The following CAMK1D variants were observed in gnomAD, a reference collection of about 807,000 sequenced individuals.
CAMK1D encodes the protein calcium/calmodulin dependent protein kinase ID, also known as calcium/calmodulin-dependent protein kinase type 1D.
CAMK1D carries 9 observed loss-of-function variants against 47.7 expected under a neutral mutation model. The observed-to-expected ratio is 0.19, with a 90% CI of 0.11 to 0.33. The LOEUF (loss-of-function observed/expected upper bound fraction) is 0.33, where lower values mean the gene tolerates loss of function less well. Ranked by LOEUF, CAMK1D falls within the 10% of genes least tolerant of loss-of-function variation. The pLI, the probability that CAMK1D is intolerant of heterozygous loss-of-function variation, is 1.00. For synonymous variants in CAMK1D, 184 were observed against 184.9 expected (o/e 0.99, Z 0.04); for missense variants, 291 against 488.7 (o/e 0.60, Z 3.81).
At chr10:12,820,811 C>T (rs1009778555) in intron 8 of CAMK1D, among the ~76,000 whole-genome samples, 1 of 152,216 alleles carries the variant, frequency 6.6e-6, no homozygotes, top group African/African-American at 2.4e-5. Flanking sequence ...CATTGCTGTT[C>T]TCTCTGTGGT....
At chr10:12,684,013 A>C (rs1056535184) in intron 3 of CAMK1D, among the ~76,000 whole-genome samples, 14 of 152,188 alleles carry the variant, frequency 9.2e-5, no homozygotes, top group African/African-American at 3.4e-4. Flanking sequence ...TCGTTAAAAC[A>C]TACAAATTAG....
At chr10:12,573,433 A>C (rs1035139280) in intron 2 of CAMK1D, among the ~76,000 whole-genome samples, 1 of 152,160 alleles carries the variant, frequency 6.6e-6, no homozygotes, top group Non-Finnish European at 1.5e-5. Flanking sequence ...ATTGGCACGA[A>C]AGTCAGCTGT....
At chr10:12,749,381 A>C (rs1356626543) in intron 3 of CAMK1D, among the ~76,000 whole-genome samples, 1 of 149,510 alleles carries the variant, frequency 6.7e-6, no homozygotes, top group Non-Finnish European at 1.5e-5. Context: ...ATTCGGTGTC[A>C]CGTCGTGTGT....
At chr10:12,589,517 G>T (rs1474404275) in intron 2 of CAMK1D, among the ~76,000 whole-genome samples, 2 of 152,150 alleles carry the variant, frequency 1.3e-5, no homozygotes, top group East Asian at 3.8e-4. Flanking sequence ...GAGAGCAAAT[G>T]GAAGCATTTT....
At chr10:12,695,022 CGATA>C (rs563091966) in intron 3 of CAMK1D, among the ~76,000 whole-genome samples, 32,920 of 143,682 alleles carry the variant, frequency 0.23, 4,222 homozygotes, top group South Asian at 0.3. Flanking sequence ...ATAAATCTCT[CGATA>C]GATAGATAGA....
chr10:12,691,398 TA>T (rs56127020), intron 3 of CAMK1D, among the ~76,000 whole-genome samples: 4 of 7,232 alleles, frequency 5.5e-4, no homozygotes, highest in Non-Finnish European at 8.0e-4. Flanking sequence ...TATATATATA[TA>T]TATAAATATA....
chr10:12,365,108 C>T (rs1182798457), intron 1 of CAMK1D, among the ~76,000 whole-genome samples: 1 of 151,918 alleles, frequency 6.6e-6, no homozygotes, highest in Non-Finnish European at 1.5e-5. Context: ...AGGTATACAC[C>T]ACCACGCCAG....
At chr10:12,751,182 A>G (rs1265722924) in intron 3 of CAMK1D, among the ~76,000 whole-genome samples, 3 of 152,156 alleles carry the variant, frequency 2.0e-5, no homozygotes, top group East Asian at 1.9e-4. Context: ...GAGAATTTAC[A>G]TGGCTGCTTA....
chr10:12,827,896 C>G (rs910997984), intron 10 of CAMK1D, among the ~76,000 whole-genome samples: 2 of 152,110 alleles, frequency 1.3e-5, no homozygotes, highest in Admixed American at 1.3e-4. Context: ...CCCAGCTGGT[C>G]TGGAACTCCT....
At chr10:12,811,021 T>A (rs1285603155) in intron 6 of CAMK1D, among the ~76,000 whole-genome samples, 1 of 152,194 alleles carries the variant, frequency 6.6e-6, no homozygotes, top group Non-Finnish European at 1.5e-5. Context: ...ATGTAAGAGT[T>A]CTTCCTAGAA....
At position 12,413,662 on chromosome 10, in the gene CAMK1D, A is replaced by T. The variant is rs371270971; in HGVS notation, c.92+63752A>T. ...ATGTGGGTTTGAAGGAGAAGTTGCT[A>T]ATTTGCTGGTGTTTGTGGATATTGA... On this transcript the variant is annotated intron_variant, in intron 1 of 10. Transcript: ENST00000619168. Among the ~76,000 whole-genome samples, 3 of 1,804 alleles carry T rather than the reference A, an allele frequency of 1.7e-3. No individual in the cohort carries two copies. In the East Asian group the frequency reaches 0.028, roughly 17 times the overall value. The allele number at this position is 1,804 out of a possible 152,430, so 1.2% of individuals were successfully genotyped here. A position where few individuals can be genotyped will look rare whatever the true frequency, so the allele number is the denominator to read the frequency against.
At chr10:12,715,113 T>C (rs1170317711) in intron 3 of CAMK1D, among the ~76,000 whole-genome samples, 7 of 152,190 alleles carry the variant, frequency 4.6e-5, no homozygotes, top group African/African-American at 1.7e-4. Context: ...CCCTACACCC[T>C]TCCAGCCTCT....
In CAMK1D at chr10:12,568,779, A is replaced by G. The variant is rs1346237725; in HGVS notation, c.224+15423A>G. ...TAGGGGTATATGTCCAGTAGTGTGGACTTTCTGAAACAGTCAACTAAGTAA... is the reference window on the plus strand; with the variant it reads ...TAGGGGTATATGTCCAGTAGTGTGGGCTTTCTGAAACAGTCAACTAAGTAA... On this transcript the variant is annotated intron_variant, in intron 2 of 10. Transcript: ENST00000619168. 2.0e-5 allele frequency among the ~76,000 whole-genome samples: 3 copies of G among 152,184 alleles called. No individual in the cohort carries two copies. The East Asian group carries it at 5.8e-4, about 30-fold the overall frequency.
intron 4 of CAMK1D, among the ~76,000 whole-genome samples, chr10:12,765,708 C>T (rs768947254): frequency 3.3e-5 from 5 of 152,032 alleles, no homozygotes; most frequent in African/African-American, 7.2e-5. Flanking sequence ...AGCTTCAGAG[C>T]GGACATTTAG....
At chr10:12,792,910 T>G (rs143757951) in intron 6 of CAMK1D, among the ~76,000 whole-genome samples, 5 of 152,220 alleles carry the variant, frequency 3.3e-5, no homozygotes, top group Admixed American at 6.5e-5. Flanking sequence ...CTTTTGAGAA[T>G]CTAATGAAGG....
chr10:12,635,720 T>A (rs767697419), intron 2 of CAMK1D, among the ~76,000 whole-genome samples: 2 of 152,134 alleles, frequency 1.3e-5, no homozygotes, highest in Non-Finnish European at 2.9e-5. Flanking sequence ...AGGTTAGGAG[T>A]AATGATCTGC....
At chr10:12,663,606 CCTTT>C (rs1028364317) in intron 2 of CAMK1D, among the ~76,000 whole-genome samples, 1 of 152,086 alleles carries the variant, frequency 6.6e-6, no homozygotes, top group Non-Finnish European at 1.5e-5. Flanking sequence ...GCTGAGACTG[CCTTT>C]CTTGTGTCTC....
At chr10:12,670,126 CTTTTTTTTT>C (rs58173311) in intron 3 of CAMK1D, among the ~76,000 whole-genome samples, 2 of 88,210 alleles carry the variant, frequency 2.3e-5, no homozygotes, top group African/African-American at 4.1e-5. Context: ...TACCGTTTTG[CTTTTTTTTT>C]TTTTTTTTTT....
intron 2 of CAMK1D, among the ~76,000 whole-genome samples, chr10:12,648,888 A>G (rs1839883612): frequency 6.6e-6 from 1 of 151,928 alleles, no homozygotes; most frequent in African/African-American, 2.4e-5. Context: ...TTATTTTTTA[A>G]TTTTTTGGAG....
Sources: gnomAD v4.1 joint callset for allele counts (sites outside exome capture counted in the v4.1 genomes callset) on GRCh38, gnomAD v4.1.1 for gene constraint, MANE v1.5 for transcripts, NCBI Gene and HGNC (gene_info 2026-07-23, HGNC 2026-07-21) for gene names.